SNX29: variants seen among roughly 807,000 people sequenced by gnomAD.
The protein encoded by SNX29 is sorting nexin-29.
A neutral mutation model predicts 102.1 loss-of-function variants in SNX29; 78 were observed. The ratio of observed to expected loss-of-function variants is 0.76; its 90% CI spans 0.64 to 0.92. The LOEUF is 0.92. SNX29 is among the 40% of genes least tolerant of loss of function. SNX29 has a pLI of 0.00. For missense variants in SNX29, 1,280 were observed against 1,061.7 expected, an observed-to-expected ratio of 1.21 and a Z score of -2.86; for synonymous variants, 580 against 414.5, an observed-to-expected ratio of 1.40 and a Z score of -4.85.
chr16:12,422,727 A>C (rs1354666732), intron 18 of SNX29, among the ~76,000 whole-genome samples: 3 of 151,712 alleles, frequency 2.0e-5, no homozygotes, highest in Admixed American at 6.6e-5. Flanking sequence ...ACACTTTCAC[A>C]CACCTCTCTC....
At chr16:12,099,205 G>A (rs1314167176) in intron 11 of SNX29, among the ~76,000 whole-genome samples, 1 of 152,132 alleles carries the variant, frequency 6.6e-6, no homozygotes, top group African/African-American at 2.4e-5. Flanking sequence ...TGTTTGCTGT[G>A]AACATTGGCT....
intron 17 of SNX29, among the ~76,000 whole-genome samples, chr16:12,402,440 G>A (rs955245506): frequency 6.6e-6 from 1 of 152,186 alleles, no homozygotes; most frequent in Non-Finnish European, 1.5e-5. Flanking sequence ...ATTTAGCCCT[G>A]GAACAGCTCT....
intron 13 of SNX29, among the ~76,000 whole-genome samples, chr16:12,139,605 G>A (rs1042056519): frequency 6.6e-6 from 1 of 152,214 alleles, no homozygotes; most frequent in Admixed American, 6.5e-5. Context: ...CTTTAGACCT[G>A]TGGATGGTCG....
chr16:12,299,662 A>C (rs2080098199), intron 15 of SNX29, among the ~76,000 whole-genome samples: 1 of 151,910 alleles, frequency 6.6e-6, no homozygotes, highest in South Asian at 2.1e-4. Flanking sequence ...CAGAGCTAGA[A>C]AATCTTTCCC....
intron 13 of SNX29, among the ~76,000 whole-genome samples, chr16:12,175,814 T>C (rs144117284): frequency 3.3e-5 from 5 of 151,990 alleles, no homozygotes; most frequent in African/African-American, 7.2e-5. Context: ...TGAGACTAGC[T>C]TGGGACACAT....
chr16:12,050,416 G>T (rs1335468493), intron 7 of SNX29, among the ~76,000 whole-genome samples: 2 of 152,162 alleles, frequency 1.3e-5, no homozygotes, highest in Non-Finnish European at 2.9e-5. Context: ...AAAATGTAGC[G>T]GCTTAAAACC....
chr16:12,447,165 C>CAAAAAAAAAAAA (rs59942122), intron 18 of SNX29, among the ~76,000 whole-genome samples: 13 of 43,912 alleles, frequency 3.0e-4, no homozygotes, highest in African/African-American at 6.3e-4. Context: ...GACTCTGTCT[C>CAAAAAAAAAAAA]AAAAAAAAAA....
intron 20 of SNX29, among the ~76,000 whole-genome samples, chr16:12,566,456 A>G (rs368450219): frequency 1.7e-3 from 257 of 152,292 alleles, no homozygotes; most frequent in African/African-American, 5.8e-3. Flanking sequence ...ATTGCAGGGC[A>G]GGGCTCATCC....
chr16:12,569,414 G>A lies in SNX29; in HGVS notation c.*785G>A, dbSNP rs559231756. The stretch of plus-strand genomic sequence containing the variant: ...GCCATCAGCAGCAACCTAGTAACCC[G>A]GCGTCATCCAGCGTGTCCAAAGTAG... On this transcript the variant is annotated 3_prime_UTR_variant, in exon 21 of 21. Transcript: ENST00000566228. 35 of 230,782 alleles carry A rather than the reference G, an allele frequency of 1.5e-4. No homozygotes were observed. The highest frequency in any genetic ancestry group is 1.3e-3 in the Middle Eastern group (1 of 770). 14.3% of individuals were successfully genotyped at this position (230,782 alleles called of 1,614,324 possible). A position where few individuals can be genotyped will look rare whatever the true frequency, so the allele number is the denominator to read the frequency against.
intron 11 of SNX29, among the ~76,000 whole-genome samples, chr16:12,099,703 G>C (rs2052926987): frequency 6.6e-6 from 1 of 152,184 alleles, no homozygotes; most frequent in Admixed American, 6.5e-5. Flanking sequence ...ACTTGCACCA[G>C]CCTGCTGTGC....
intron 16 of SNX29, among the ~76,000 whole-genome samples, chr16:12,397,621 T>C (rs935001487): frequency 2.6e-5 from 4 of 152,194 alleles, no homozygotes; most frequent in African/African-American, 7.2e-5. Flanking sequence ...GCCAATTTAG[T>C]TTCTAGCAGA....
At chr16:12,051,028 C>T (rs2050277539) in intron 7 of SNX29, among the ~76,000 whole-genome samples, 1 of 152,130 alleles carries the variant, frequency 6.6e-6, no homozygotes, top group East Asian at 1.9e-4. Context: ...GCCCTTTCTG[C>T]CACATTCTTT....
chr16:12,139,602 C>A (rs1413869871), intron 13 of SNX29, among the ~76,000 whole-genome samples: 2 of 152,176 alleles, frequency 1.3e-5, no homozygotes, highest in African/African-American at 2.4e-5. Flanking sequence ...GGGCTTTAGA[C>A]CTGTGGATGG....
chr16:12,271,799 T>G (rs891283645), intron 14 of SNX29, among the ~76,000 whole-genome samples: 1 of 152,024 alleles, frequency 6.6e-6, no homozygotes, highest in Non-Finnish European at 1.5e-5. Context: ...ATTTTTGTAT[T>G]TTTAGTGGAG....
intron 15 of SNX29, among the ~76,000 whole-genome samples, chr16:12,340,074 G>A (rs889515426): frequency 3.6e-4 from 55 of 152,214 alleles, no homozygotes; most frequent in African/African-American, 1.3e-3. Context: ...AATTGGAGAC[G>A]ATCACTTTTT....
chr16:12,007,819 C>T lies in SNX29; in HGVS notation c.122+4776C>T, dbSNP rs146283356. On this transcript the variant is annotated intron_variant, in intron 3 of 20. Coordinates refer to ENST00000566228, the MANE Select transcript of SNX29 (RefSeq NM_032167.5). The stretch of plus-strand genomic sequence containing the variant: ...CTCATGCTCCCTTGAAACCTCCCAG[C>T]TGCCTTGTCTTTGCTCTTGGGAGAA... Among the ~76,000 whole-genome samples, 55 of 152,368 alleles carry T rather than the reference C, an allele frequency of 3.6e-4. 1 individual carries two copies. The East Asian group carries it at 8.9e-3, about 25-fold the overall frequency.
intron 14 of SNX29, among the ~76,000 whole-genome samples, chr16:12,250,646 C>G (rs2078394858): frequency 6.6e-6 from 1 of 152,156 alleles, no homozygotes; most frequent in African/African-American, 2.4e-5. Flanking sequence ...TCTTTAAGCA[C>G]TCATTTTTGT....
chr16:12,076,162 C>T (rs937450618), intron 10 of SNX29, among the ~76,000 whole-genome samples: 2 of 152,162 alleles, frequency 1.3e-5, no homozygotes, highest in Non-Finnish European at 2.9e-5. Flanking sequence ...GTGCATGGTG[C>T]GCTGCACCCA....
intron 20 of SNX29, among the ~76,000 whole-genome samples, chr16:12,553,201 T>C (rs1177139404): frequency 6.6e-6 from 1 of 152,154 alleles, no homozygotes; most frequent in African/African-American, 2.4e-5. Flanking sequence ...TGCAGTTATT[T>C]CCAGTAGCCA....
Sources: gnomAD v4.1 joint callset for allele counts (sites outside exome capture counted in the v4.1 genomes callset) on GRCh38, gnomAD v4.1.1 for gene constraint, MANE v1.5 for transcripts, NCBI Gene and HGNC (gene_info 2026-07-23, HGNC 2026-07-21) for gene names.